Variants in GPRIN3 observed in about 807,000 individuals in gnomAD.
GPRIN3 encodes the protein G protein-regulated inducer of neurite outgrowth 3.
Under a neutral mutation model 13.7 loss-of-function variants are expected in GPRIN3, and 12 were observed. The observed-to-expected ratio is 0.87, with a 90% CI of 0.56 to 1.42. The LOEUF is 1.42. Among genes scored for constraint, GPRIN3 ranks in the 40% most tolerant of loss-of-function variants. The probability of loss-of-function intolerance (pLI) is 0.00; values close to 1 mark genes in which losing one functional copy is unlikely to be tolerated. For synonymous variants in GPRIN3, 377 were observed against 372.7 expected (o/e 1.01, Z -0.13); for missense variants, 1,009 against 958.7 (o/e 1.05, Z -0.69).
intron 1 of GPRIN3, among the ~76,000 whole-genome samples, chr4:89,278,684 T>G (rs539153876): frequency 2.0e-5 from 3 of 152,236 alleles, no homozygotes; most frequent in Non-Finnish European, 4.4e-5. Context: ...TTAATGCCTA[T>G]ATAGTAGGTA....
At chr4:89,270,565 T>TTATA (rs1199230242) in intron 1 of GPRIN3, among the ~76,000 whole-genome samples, 5,797 of 81,684 alleles carry the variant, frequency 0.071, 190 homozygotes, top group African/African-American at 0.074. Flanking sequence ...TGTATATAAT[T>TTATA]TATATATATA....
In GPRIN3 at chr4:89,241,432, A is replaced by G. The variant is rs1450141188; in HGVS notation, c.*6348T>C. On this transcript the variant is annotated 3_prime_UTR_variant, in exon 2 of 2. Coordinates refer to ENST00000609438, the MANE Select transcript of GPRIN3 (RefSeq NM_198281.3). ...CTGTACACACTCACAGAATGTATTG[A>G]CATACCACGACCAGCTACAGTATTA... 4 of 152,218 alleles carry G rather than the reference A, an allele frequency of 2.6e-5. No homozygotes were observed. The highest frequency in any genetic ancestry group is 5.9e-5 in the Non-Finnish European group (4 of 68,028). The allele number at this position is 152,218 out of a possible 1,614,324, so 9.4% of individuals were successfully genotyped here.
intron 1 of GPRIN3, among the ~76,000 whole-genome samples, chr4:89,297,412 T>G (rs945577145): frequency 3.3e-5 from 5 of 152,158 alleles, no homozygotes; most frequent in African/African-American, 1.2e-4. Context: ...TTGTTTTGTT[T>G]CTTGTTCATT....
In GPRIN3 at chr4:89,237,490, T is replaced by C. The variant is rs1578057512; in HGVS notation, c.*10290A>G. ...ACAGAGCCCTCATGAGTGAGATTAG[T>C]GCCCTTTTGAAAGTGGCCCGGGAGG... On this transcript the variant is annotated 3_prime_UTR_variant, in exon 2 of 2. Coordinates refer to ENST00000609438, the MANE Select transcript of GPRIN3 (RefSeq NM_198281.3). 6.6e-6 allele frequency: 1 copy of C among 152,194 alleles called. No individual in the cohort carries two copies. Among genetic ancestry groups the C allele is most frequent in the Non-Finnish European group, 1.5e-5 (1 of 68,054 alleles). The allele number at this position is 152,194 out of a possible 1,614,324, so 9.4% of individuals were successfully genotyped here. A position where few individuals can be genotyped will look rare whatever the true frequency, so the allele number is the denominator to read the frequency against.
chr4:89,293,930 A>C (rs1724659766), intron 1 of GPRIN3, among the ~76,000 whole-genome samples: 1 of 152,214 alleles, frequency 6.6e-6, no homozygotes, highest in African/African-American at 2.4e-5. Context: ...TCTTTAGTGC[A>C]TGCCTTTCTT....
chr4:89,261,822 T>G (rs1723635321), intron 1 of GPRIN3, among the ~76,000 whole-genome samples: 1 of 152,020 alleles, frequency 6.6e-6, no homozygotes, highest in African/African-American at 2.4e-5. Context: ...CTTTAAGAAT[T>G]GATATGGGGC....
At chr4:89,301,686 A>T (rs191408482) in intron 1 of GPRIN3, among the ~76,000 whole-genome samples, 98 of 152,368 alleles carry the variant, frequency 6.4e-4, no homozygotes, top group Non-Finnish European at 8.7e-4. Flanking sequence ...TATTCTTCAT[A>T]AACCAGATCT....
intron 1 of GPRIN3, among the ~76,000 whole-genome samples, chr4:89,294,709 C>A (rs1449889969): frequency 6.6e-6 from 1 of 152,156 alleles, no homozygotes; most frequent in African/African-American, 2.4e-5. Context: ...TCCTCTGATG[C>A]TTTTCTCACT....
intron 1 of GPRIN3, among the ~76,000 whole-genome samples, chr4:89,293,498 A>G (rs2110017358): frequency 6.6e-6 from 1 of 152,342 alleles, no homozygotes; most frequent in South Asian, 2.1e-4. Context: ...GCTGCCGGAC[A>G]TTTGGCTCCC....
rs1444635761 is a variant in GPRIN3 at position 89,237,081 on chromosome 4, G to A, written c.*10699C>T. The A allele has an allele frequency of 1.3e-5, 2 of 152,082 alleles. No homozygotes were observed. Among genetic ancestry groups the A allele is most frequent in the African/African-American group, 2.4e-5 (1 of 41,408 alleles). 9.4% of individuals were successfully genotyped at this position (152,082 alleles called of 1,614,324 possible). On this transcript the variant is annotated 3_prime_UTR_variant, in exon 2 of 2. Transcript: ENST00000609438. ...GCAGTTTGATTGAGAGACGTCAAGC[G>A]GGACTAAAAAAGGTGTAGGGAAATA...
At chr4:89,296,255 C>G (rs1724730552) in intron 1 of GPRIN3, among the ~76,000 whole-genome samples, 1 of 151,832 alleles carries the variant, frequency 6.6e-6, no homozygotes, top group African/African-American at 2.4e-5. Flanking sequence ...TGTCCATTTT[C>G]TTTTACTAGA....
At chr4:89,307,269 T>TCA (rs57752539) in intron 1 of GPRIN3, among the ~76,000 whole-genome samples, 25,932 of 147,082 alleles carry the variant, frequency 0.18, 2,285 homozygotes, top group Admixed American at 0.19. Context: ...GAGACAAATG[T>TCA]CACACACACA....
intron 1 of GPRIN3, among the ~76,000 whole-genome samples, chr4:89,270,828 A>C (rs1723930137): frequency 6.6e-6 from 1 of 151,980 alleles, no homozygotes; most frequent in Non-Finnish European, 1.5e-5. Flanking sequence ...CTAAGGGCCA[A>C]GTGAATGAAA....
intron 1 of GPRIN3, among the ~76,000 whole-genome samples, chr4:89,289,108 T>G (rs1364069264): frequency 2.7e-5 from 4 of 150,536 alleles, no homozygotes; most frequent in African/African-American, 9.8e-5. Context: ...AATTCTCTCC[T>G]TCAGGCCTCT....
At chr4:89,253,700 T>G (rs1723391299) in intron 1 of GPRIN3, among the ~76,000 whole-genome samples, 1 of 152,240 alleles carries the variant, frequency 6.6e-6, no homozygotes, top group African/African-American at 2.4e-5. Context: ...TTCATTTGCT[T>G]TGCTAATAGA....
In GPRIN3 at chr4:89,249,326, G is replaced by C; in HGVS notation, c.785C>G (p.Ser262Cys). 6.2e-7 allele frequency: 1 copy of C among 1,614,160 alleles called. No individual in the cohort carries two copies. Among genetic ancestry groups the C allele is most frequent in the South Asian group, 1.1e-5 (1 of 91,078 alleles). Residue 262 changes from serine (S) to cysteine (C), a missense_variant, in exon 2 of 2, where the codon TCT becomes TGT. Ser to Cys is a moderately radical substitution (Grantham distance 112). Coordinates refer to ENST00000609438, the MANE Select transcript of GPRIN3 (RefSeq NM_198281.3). ...VTASGPQGTTSVTPQPTPLTS... is the reference protein window; with the variant it reads ...VTASGPQGTTCVTPQPTPLTS... Reference sequence around the variant, plus strand: ...GAGGGGGGTTGGTTGAGGTGTCACAGAAGTTGTGCCTTGGGGGCCCGAGGC... The same window carrying C: ...GAGGGGGGTTGGTTGAGGTGTCACACAAGTTGTGCCTTGGGGGCCCGAGGC...
chr4:89,259,868 A>C (rs1046510508), intron 1 of GPRIN3, among the ~76,000 whole-genome samples: 3 of 152,198 alleles, frequency 2.0e-5, no homozygotes, highest in Non-Finnish European at 4.4e-5. Flanking sequence ...CTTTTAGCTC[A>C]CATCAGACAC....
At chr4:89,281,610 C>T (rs1724252996) in intron 1 of GPRIN3, among the ~76,000 whole-genome samples, 1 of 152,144 alleles carries the variant, frequency 6.6e-6, no homozygotes, top group African/African-American at 2.4e-5. Flanking sequence ...GACACAGATC[C>T]AATCTATATC....
In GPRIN3 at chr4:89,240,049, A is replaced by T. The variant is rs1160569475; in HGVS notation, c.*7731T>A. 6.6e-6 allele frequency: 1 copy of T among 152,224 alleles called. No individual in the cohort carries two copies. The highest frequency in any genetic ancestry group is 1.5e-5 in the Non-Finnish European group (1 of 68,044). 9.4% of individuals were successfully genotyped at this position (152,224 alleles called of 1,614,324 possible). The stretch of plus-strand genomic sequence containing the variant: ...CAAATTGTGTTAGGTTTTAAGAACC[A>T]GGTGAGACTTTTTGATCCCTAATAG... On this transcript the variant is annotated 3_prime_UTR_variant, in exon 2 of 2. Transcript: ENST00000609438.
Sources: gnomAD v4.1 joint callset for allele counts (sites outside exome capture counted in the v4.1 genomes callset) on GRCh38, gnomAD v4.1.1 for gene constraint, MANE v1.5 for transcripts, NCBI Gene and HGNC (gene_info 2026-07-23, HGNC 2026-07-21) for gene names.